The following SPAG16 variants were observed in gnomAD, a reference collection of about 807,000 sequenced individuals.
SPAG16 encodes the protein sperm-associated antigen 16 protein.
A neutral mutation model predicts 80.4 loss-of-function variants in SPAG16; 86 were observed. That is an observed-to-expected ratio of 1.07 (90% CI 0.90 to 1.28). The LOEUF is 1.28. SPAG16 is among the 50% of genes most tolerant of loss of function. The pLI is 0.00. For synonymous variants in SPAG16, 294 were observed against 265.9 expected, an observed-to-expected ratio of 1.11 and a Z score of -1.03; for missense variants, 870 against 765.3, an observed-to-expected ratio of 1.14 and a Z score of -1.61.
At chr2:213,285,763 T>C in intron 1 of SPAG16, 2 of 539,244 alleles carry the variant, frequency 3.7e-6, no homozygotes. Context: ...GAAATGAATT[T>C]GAAAGAAATA....
intron 10 of SPAG16, among the ~76,000 whole-genome samples, chr2:213,762,137 T>C (rs906535147): frequency 6.6e-6 from 1 of 152,150 alleles, no homozygotes; most frequent in African/African-American, 2.4e-5. Flanking sequence ...AAAAAGTATT[T>C]GACAAAATGC....
chr2:213,404,456 G>T (rs1334635035), intron 9 of SPAG16, among the ~76,000 whole-genome samples: 1 of 152,150 alleles, frequency 6.6e-6, no homozygotes, highest in Non-Finnish European at 1.5e-5. Flanking sequence ...AAGCAATGGG[G>T]AAAGGATTCC....
chr2:213,584,532 G>A (rs567326415), intron 10 of SPAG16, among the ~76,000 whole-genome samples: 1 of 151,846 alleles, frequency 6.6e-6, no homozygotes, highest in East Asian at 1.9e-4. Flanking sequence ...GATTGAGGTA[G>A]TATTTTCTAT....
At chr2:213,784,128 CTGCTG>C (rs2070176325) in intron 10 of SPAG16, among the ~76,000 whole-genome samples, 1 of 72,294 alleles carries the variant, frequency 1.4e-5, no homozygotes, top group Admixed American at 1.6e-4. Flanking sequence ...GATATGAAAT[CTGCTG>C]TGCTGAAATG....
intron 3 of SPAG16, among the ~76,000 whole-genome samples, chr2:213,299,253 T>C (rs943234854): frequency 6.6e-5 from 10 of 152,124 alleles, no homozygotes; most frequent in Non-Finnish European, 2.9e-5. Flanking sequence ...AAATGACTTA[T>C]TGCGACTTAT....
At chr2:213,628,833 T>C (rs555733223) in intron 10 of SPAG16, among the ~76,000 whole-genome samples, 1 of 152,318 alleles carries the variant, frequency 6.6e-6, no homozygotes, top group South Asian at 2.1e-4. Context: ...TGAAATTACC[T>C]AACCAAGGTA....
intron 15 of SPAG16, among the ~76,000 whole-genome samples, chr2:214,390,877 T>C (rs183369487): frequency 7.3e-4 from 111 of 152,286 alleles, no homozygotes; most frequent in African/African-American, 2.5e-3. Context: ...ACAAAATTGA[T>C]AGGCAGAAAC....
At chr2:214,236,785 T>C (rs550094406) in intron 15 of SPAG16, among the ~76,000 whole-genome samples, 1 of 152,310 alleles carries the variant, frequency 6.6e-6, no homozygotes, top group African/African-American at 2.4e-5. Flanking sequence ...GTCTTCTGGA[T>C]TCAGATGAGT....
At chr2:213,941,140 C>A (rs2079182208) in intron 12 of SPAG16, among the ~76,000 whole-genome samples, 1 of 152,158 alleles carries the variant, frequency 6.6e-6, no homozygotes, top group Non-Finnish European at 1.5e-5. Context: ...ACCAGTCAGA[C>A]TCTATCTCTC....
intron 15 of SPAG16, among the ~76,000 whole-genome samples, chr2:214,280,184 A>G (rs1259756881): frequency 6.6e-6 from 1 of 152,190 alleles, no homozygotes; most frequent in Non-Finnish European, 1.5e-5. Flanking sequence ...GAAATCAGAC[A>G]ATGTAATTCA....
chr2:214,020,354 T>G, intron 13 of SPAG16, among the ~76,000 whole-genome samples: 1 of 152,188 alleles, frequency 6.6e-6, no homozygotes, highest in Non-Finnish European at 1.5e-5. Context: ...TGTAATACTT[T>G]ATATATACAC....
intron 7 of SPAG16, among the ~76,000 whole-genome samples, chr2:213,353,408 A>G (rs1409604694): frequency 1.3e-5 from 2 of 152,124 alleles, no homozygotes; most frequent in African/African-American, 4.8e-5. Context: ...GTTAGGGTCC[A>G]TCTACACAGA....
intron 12 of SPAG16, 36 bp from the exon 13 acceptor site, chr2:214,013,915 A>G (rs1198370459): frequency 6.2e-7 from 1 of 1,603,854 alleles, no homozygotes; most frequent in Non-Finnish European, 8.5e-7. Context: ...CAGCATAGAT[A>G]CTAACTCCTA....
intron 9 of SPAG16, among the ~76,000 whole-genome samples, chr2:213,480,984 C>G (rs1225807178): frequency 6.6e-6 from 1 of 152,150 alleles, no homozygotes; most frequent in Non-Finnish European, 1.5e-5. Flanking sequence ...ATTGCAATTT[C>G]AATTACAAAA....
intron 10 of SPAG16, among the ~76,000 whole-genome samples, chr2:213,680,414 C>G (rs1443504695): frequency 6.8e-6 from 1 of 146,266 alleles, no homozygotes; most frequent in Non-Finnish European, 1.5e-5. Context: ...TTACGAGGAA[C>G]AAATACCTTC....
intron 15 of SPAG16, among the ~76,000 whole-genome samples, chr2:214,175,051 T>C (rs907610323): frequency 6.6e-6 from 1 of 151,368 alleles, no homozygotes; most frequent in African/African-American, 2.4e-5. Flanking sequence ...AACCTGTAAA[T>C]TGTTACTTTA....
intron 10 of SPAG16, among the ~76,000 whole-genome samples, chr2:213,691,982 C>A (rs2064962140): frequency 6.6e-6 from 1 of 152,156 alleles, no homozygotes; most frequent in Non-Finnish European, 1.5e-5. Flanking sequence ...AAATGTGGTT[C>A]ATTCCCAAAG....
intron 10 of SPAG16, among the ~76,000 whole-genome samples, chr2:213,521,473 C>T (rs997458481): frequency 8.5e-5 from 13 of 152,166 alleles, no homozygotes; most frequent in Non-Finnish European, 1.6e-4. Context: ...GCCTATCTCC[C>T]CTGAGAGCTT....
intron 10 of SPAG16, among the ~76,000 whole-genome samples, chr2:213,781,633 A>G (rs905311384): frequency 6.6e-6 from 1 of 152,190 alleles, no homozygotes; most frequent in African/African-American, 2.4e-5. Context: ...ATTAAGGAGA[A>G]AAATCTTTAA....
Sources: allele counts gnomAD v4.1 joint callset (sites outside exome capture counted in the v4.1 genomes callset), GRCh38; gene constraint gnomAD v4.1.1; transcripts MANE v1.5; gene names NCBI Gene and HGNC (gene_info 2026-07-23, HGNC 2026-07-21).